The following CRTC1 variants were observed in gnomAD, a reference collection of about 807,000 sequenced individuals.
CRTC1 encodes the protein CREB-regulated transcription coactivator 1.
A neutral mutation model predicts 66.1 loss-of-function variants in CRTC1; 18 were observed. The observed-to-expected ratio is 0.27, with a 90% CI of 0.19 to 0.40. The LOEUF (loss-of-function observed/expected upper bound fraction) is 0.40. Ranked by LOEUF, CRTC1 falls within the 10% of genes least tolerant of loss-of-function variation. CRTC1 has a pLI of 1.00. For missense variants in CRTC1, 669 were observed against 887.9 expected (o/e 0.75, Z 3.13); for synonymous variants, 416 against 398.8 (o/e 1.04, Z -0.51).
In CRTC1 at chr19:18,771,175, C is replaced by G. The variant is rs1308756686; in HGVS notation, c.1321-267C>G. ...AGTCAGGGCCAACCCTCTGATCACC[C>G]TCCTGTAGCTCCAAGAAGGAGGGCA... is the stretch of plus-strand genomic sequence containing the variant. On this transcript the variant is annotated intron_variant, in intron 10 of 13. Transcript: ENST00000321949. The surrounding 1 kb of genome is among the most constrained non-coding windows in gnomAD (Gnocchi z 4.6). 6.6e-6 allele frequency among the ~76,000 whole-genome samples: 1 copy of G among 152,144 alleles called. No individual in the cohort carries two copies. Among genetic ancestry groups the G allele is most frequent in the African/African-American group, 2.4e-5 (1 of 41,416 alleles).
intron 1 of CRTC1, among the ~76,000 whole-genome samples, chr19:18,684,480 ATC>A (rs1039252860): frequency 1.3e-5 from 2 of 151,950 alleles, no homozygotes; most frequent in African/African-American, 4.8e-5. Flanking sequence ...TGGGACAGGG[ATC>A]TCTCCCTCTT....
chr19:18,759,243 G>A (rs189499131), intron 6 of CRTC1, among the ~76,000 whole-genome samples: 1 of 152,298 alleles, frequency 6.6e-6, no homozygotes, highest in Non-Finnish European at 1.5e-5. Flanking sequence ...CACATGCCAT[G>A]TTCTCCCCAG....
At chr19:18,775,213 C>G (rs1029596057) in intron 12 of CRTC1, among the ~76,000 whole-genome samples, 2 of 152,244 alleles carry the variant, frequency 1.3e-5, no homozygotes, top group Non-Finnish European at 2.9e-5. Flanking sequence ...CTTTGCCCAC[C>G]TACAGAGCGG....
intron 5 of CRTC1, among the ~76,000 whole-genome samples, chr19:18,752,994 G>A (rs368463126): frequency 1.3e-5 from 2 of 151,730 alleles, no homozygotes; most frequent in Admixed American, 6.6e-5. Flanking sequence ...GGCGGGGCAC[G>A]GTGGCGCACA....
At chr19:18,702,802 G>T (rs1236005265) in intron 1 of CRTC1, among the ~76,000 whole-genome samples, 1 of 152,084 alleles carries the variant, frequency 6.6e-6, no homozygotes, top group Non-Finnish European at 1.5e-5. Flanking sequence ...CCAAAGTGCT[G>T]GGATTACACA....
At chr19:18,701,826 C>G (rs558890695) in intron 1 of CRTC1, among the ~76,000 whole-genome samples, 8 of 151,314 alleles carry the variant, frequency 5.3e-5, no homozygotes, top group African/African-American at 1.9e-4. Flanking sequence ...CCATGTTGGT[C>G]GGGCAGGTCT....
chr19:18,711,970 A>G (rs1181284069), intron 1 of CRTC1, among the ~76,000 whole-genome samples: 1 of 152,182 alleles, frequency 6.6e-6, no homozygotes, highest in Non-Finnish European at 1.5e-5. Context: ...ATTTTTTGAG[A>G]CAGGGTCTTG....
intron 13 of CRTC1, among the ~76,000 whole-genome samples, chr19:18,776,034 A>G (rs914435549): frequency 1.3e-5 from 2 of 152,026 alleles, no homozygotes; most frequent in African/African-American, 4.8e-5. Context: ...ATGCCTCTGG[A>G]CCAGACGTCC....
At chr19:18,712,336 G>A (rs940528331) in intron 1 of CRTC1, among the ~76,000 whole-genome samples, 1 of 152,054 alleles carries the variant, frequency 6.6e-6, no homozygotes, top group Non-Finnish European at 1.5e-5. Flanking sequence ...TTGGTTCACT[G>A]TAGCCTCCAC....
chr19:18,762,560 C>G (rs559888059), intron 8 of CRTC1, among the ~76,000 whole-genome samples: 1 of 152,344 alleles, frequency 6.6e-6, no homozygotes, highest in Non-Finnish European at 1.5e-5. Flanking sequence ...TCTACATTTC[C>G]CATATCCCTG....
chr19:18,687,558 C>T (rs2052713920), intron 1 of CRTC1, among the ~76,000 whole-genome samples: 1 of 152,192 alleles, frequency 6.6e-6, no homozygotes, highest in South Asian at 2.1e-4. Context: ...TGTGGGCTTC[C>T]CTCCTGCAGC....
chr19:18,762,044 C>G (rs554931437), intron 8 of CRTC1, among the ~76,000 whole-genome samples: 35 of 152,344 alleles, frequency 2.3e-4, no homozygotes, highest in Admixed American at 2.6e-4. Context: ...CATCCACACG[C>G]ACCTGCGCAG....
At chr19:18,766,595 G>A (rs1033670054) in intron 9 of CRTC1, among the ~76,000 whole-genome samples, 3 of 150,990 alleles carry the variant, frequency 2.0e-5, no homozygotes, top group Non-Finnish European at 4.4e-5. Context: ...ACAGGTGACC[G>A]CCACCACGCC....
intron 6 of CRTC1, among the ~76,000 whole-genome samples, chr19:18,756,273 C>T (rs761039288): frequency 3.8e-4 from 51 of 134,914 alleles, no homozygotes; most frequent in Admixed American, 2.6e-4. Flanking sequence ...GCAGAGGTTG[C>T]AGTGAGCTGA....
intron 1 of CRTC1, chr19:18,735,469 CCTCGT>C (rs1229230828): frequency 6.6e-6 from 1 of 152,266 alleles, no homozygotes; most frequent in African/African-American, 2.4e-5. Context: ...CTCCTGCAGG[CCTCGT>C]TTTGAAGCCG....
intron 1 of CRTC1, among the ~76,000 whole-genome samples, chr19:18,707,671 A>G (rs1600800682): frequency 6.6e-6 from 1 of 152,068 alleles, no homozygotes; most frequent in Non-Finnish European, 1.5e-5. Flanking sequence ...TTGAATCTAG[A>G]CTGTTTTGGG....
At chr19:18,697,287 CCACA>C (rs1293258991) in intron 1 of CRTC1, among the ~76,000 whole-genome samples, 2 of 152,118 alleles carry the variant, frequency 1.3e-5, no homozygotes, top group African/African-American at 4.8e-5. Context: ...CCAGCCAGGG[CCACA>C]CAGTCAGCCT....
intron 1 of CRTC1, among the ~76,000 whole-genome samples, chr19:18,730,831 C>G (rs979241702): frequency 3.3e-5 from 5 of 152,214 alleles, no homozygotes; most frequent in Non-Finnish European, 7.3e-5. Context: ...CAGTGGCCCC[C>G]CTGGCTGTCT....
rs529251342 is a variant in CRTC1, at chr19:18,759,511, G to A, written c.625-40G>A. ...GTGCCCAGGAGGAGGGCCCCACAGGGTGTGCCCCAGGGCTCAGGCTCTCCT... is the reference window on the plus strand; with the variant it reads ...GTGCCCAGGAGGAGGGCCCCACAGGATGTGCCCCAGGGCTCAGGCTCTCCT... On this transcript the variant is annotated intron_variant, in intron 6 of 13. Coordinates refer to ENST00000321949, the MANE Select transcript of CRTC1 (RefSeq NM_015321.3). 3 of 1,605,042 alleles carry A rather than the reference G, an allele frequency of 1.9e-6. No homozygotes were observed. In the African/African-American group the frequency reaches 4.0e-5, roughly 21 times the overall value.
Sources: gnomAD v4.1 joint callset for allele counts (sites outside exome capture counted in the v4.1 genomes callset) on GRCh38, gnomAD v4.1.1 for gene constraint, Gnocchi (gnomAD v3.1) non-coding constraint, MANE v1.5 for transcripts, NCBI Gene and HGNC (gene_info 2026-07-23, HGNC 2026-07-21) for gene names.